BAIAP2L1: variants seen among roughly 807,000 people sequenced by gnomAD.
The protein encoded by BAIAP2L1 is BAR/IMD domain-containing adapter protein 2-like 1.
Under a neutral mutation model 66.3 loss-of-function variants are expected in BAIAP2L1, and 35 were observed. The observed-to-expected ratio is 0.53, with a 90% CI of 0.40 to 0.70. The LOEUF (loss-of-function observed/expected upper bound fraction) is 0.70, where lower values mean the gene tolerates loss of function less well. Ranked by LOEUF, BAIAP2L1 falls within the 30% of genes least tolerant of loss-of-function variation. The pLI, the probability that BAIAP2L1 is intolerant of heterozygous loss-of-function variation, is 0.00. For synonymous variants in BAIAP2L1, 269 were observed against 248.7 expected (o/e 1.08, Z -0.77); for missense variants, 622 against 656.9 (o/e 0.95, Z 0.58).
intron 1 of BAIAP2L1, among the ~76,000 whole-genome samples, chr7:98,378,229 C>CAT (rs5886063): frequency 0.81 from 122,510 of 151,900 alleles, 49,489 homozygotes; most frequent in Middle Eastern, 0.83. Flanking sequence ...AAAAATAACA[C>CAT]GACTGGAAAT....
At chr7:98,385,345 A>G (rs1057194118) in intron 1 of BAIAP2L1, among the ~76,000 whole-genome samples, 1 of 152,054 alleles carries the variant, frequency 6.6e-6, no homozygotes, top group Non-Finnish European at 1.5e-5. Context: ...GATCTGAGGA[A>G]TTGTTCAAAA....
Position 98,306,449 on chromosome 7 carries a change from G to C in BAIAP2L1, c.1231C>G (p.Pro411Ala), listed in dbSNP as rs1200789253. The C allele has an allele frequency of 6.2e-7, 1 of 1,614,042 alleles. No homozygotes were observed. Among genetic ancestry groups the C allele is most frequent in the Non-Finnish European group, 8.5e-7 (1 of 1,180,026 alleles). ...EENETEAVTVPTPSPTPVRSI... is the reference protein window; with the variant it reads ...EENETEAVTVATPSPTPVRSI... ...CACGTTCAGGGCTACCTTGGCGTGG[G>C]CACGGTCACTGCTTCTGTCTCATTT... Residue 411 changes from proline to alanine, a missense_variant, in exon 11 of 14, where the codon CCC (proline) becomes GCC (alanine). Physicochemically the swap from Pro to Ala is conservative, Grantham distance 27. Transcript: ENST00000005260.
intron 1 of BAIAP2L1, among the ~76,000 whole-genome samples, chr7:98,395,347 G>A (rs1803176562): frequency 6.6e-6 from 1 of 151,658 alleles, no homozygotes; most frequent in Non-Finnish European, 1.5e-5. Context: ...TCTGAGGGAG[G>A]AGAATCGCTT....
intron 2 of BAIAP2L1, among the ~76,000 whole-genome samples, chr7:98,360,497 G>T (rs1344961674): frequency 6.6e-6 from 1 of 152,122 alleles, no homozygotes; most frequent in Non-Finnish European, 1.5e-5. Context: ...AATACCTTCT[G>T]AAGTATTTAC....
chr7:98,390,517 A>G (rs1803011307), intron 1 of BAIAP2L1, among the ~76,000 whole-genome samples: 1 of 151,760 alleles, frequency 6.6e-6, no homozygotes, highest in African/African-American at 2.4e-5. Flanking sequence ...TCACAAGGTC[A>G]GGAGATCGAG....
chr7:98,313,574 A>G (rs1472693752), intron 7 of BAIAP2L1, among the ~76,000 whole-genome samples: 1 of 152,168 alleles, frequency 6.6e-6, no homozygotes, highest in Non-Finnish European at 1.5e-5. Context: ...TGCTGTTGAC[A>G]AAAGTGATCA....
chr7:98,327,493 G>A (rs1801402873), intron 3 of BAIAP2L1, among the ~76,000 whole-genome samples: 1 of 151,962 alleles, frequency 6.6e-6, no homozygotes, highest in South Asian at 2.1e-4. Context: ...GGCCAACATG[G>A]TGAAACTCTG....
At chr7:98,375,078 C>T (rs1461890360) in intron 1 of BAIAP2L1, among the ~76,000 whole-genome samples, 2 of 151,256 alleles carry the variant, frequency 1.3e-5, no homozygotes, top group Admixed American at 6.6e-5. Context: ...CACAGTGAGA[C>T]CCTGTCTCAA....
chr7:98,385,979 T>C (rs561990001), intron 1 of BAIAP2L1: 11 of 1,501,734 alleles, frequency 7.3e-6, no homozygotes, highest in Admixed American at 5.0e-5. Flanking sequence ...AGAGGATAAA[T>C]AGACTGGCAA....
In BAIAP2L1 at chr7:98,355,197, T is replaced by C. The variant is rs2115693946; in HGVS notation, c.128-69A>G. 1.4e-5 allele frequency: 15 copies of C among 1,090,952 alleles called. No individual in the cohort carries two copies. The South Asian group carries it at 1.8e-4, about 13-fold the overall frequency. 67.6% of individuals were successfully genotyped at this position (1,090,952 alleles called of 1,614,324 possible). On this transcript the variant is annotated intron_variant, in intron 2 of 13. Transcript: ENST00000005260. Reference sequence around the variant, plus strand: ...AAAGGAGGAAGCAACACAAGTTTTCTTCCAAACACCCCCTGGTCCCTTCTG... The same window carrying C: ...AAAGGAGGAAGCAACACAAGTTTTCCTCCAAACACCCCCTGGTCCCTTCTG...
In BAIAP2L1 at chr7:98,297,027, G is replaced by A. The variant is rs184933590; in HGVS notation, c.1423-2916C>T. ...CACTGCCACCGGCACCCAGGGCCCC[G>A]CGGGCACTGCCTGCTGCATGTCCTG... On this transcript the variant is annotated intron_variant, in intron 12 of 13. Coordinates refer to ENST00000005260, the MANE Select transcript of BAIAP2L1 (RefSeq NM_018842.5). Among the ~76,000 whole-genome samples the A allele has an allele frequency of 8.5e-3, 1,289 of 152,314 alleles. 10 individuals carry two copies. Among genetic ancestry groups the A allele is most frequent in the Non-Finnish European group, 0.012 (819 of 68,044 alleles).
intron 1 of BAIAP2L1, among the ~76,000 whole-genome samples, chr7:98,394,903 G>A (rs1334196470): frequency 6.6e-6 from 1 of 152,192 alleles, no homozygotes; most frequent in African/African-American, 2.4e-5. Context: ...CCTGAGGTCG[G>A]GAGTTCGAGA....
chr7:98,325,897 C>T (rs1801371217), intron 3 of BAIAP2L1, among the ~76,000 whole-genome samples: 3 of 152,176 alleles, frequency 2.0e-5, no homozygotes, highest in Admixed American at 1.3e-4. Flanking sequence ...CAACCACAAA[C>T]GTGATCAAAT....
intron 1 of BAIAP2L1, among the ~76,000 whole-genome samples, chr7:98,365,087 CT>C (rs928961841): frequency 7.2e-6 from 1 of 138,630 alleles, no homozygotes; most frequent in South Asian, 2.5e-4. Context: ...TCCTATGTGA[CT>C]TTTTTTTAAA....
rs1800052933 is a variant in BAIAP2L1, at chr7:98,293,472, T to TGCGCAGACAGGA, written c.*48_*49insTCCTGTCTGCGC. The TGCGCAGACAGGA allele has an allele frequency of 6.4e-7, 1 of 1,555,600 alleles. No individual in the cohort carries two copies. On this transcript the variant is annotated 3_prime_UTR_variant, in exon 14 of 14. Transcript: ENST00000005260. ...CGTGGCAGACAGGATGCGCCCATCA[T>TGCGCAGACAGGA]TCCGCAAGGGAGAACCGGAGAGGCC...
intron 3 of BAIAP2L1, among the ~76,000 whole-genome samples, chr7:98,351,302 C>T (rs1801994358): frequency 6.6e-6 from 1 of 152,214 alleles, no homozygotes; most frequent in Admixed American, 6.5e-5. Flanking sequence ...TTCTATCAGT[C>T]CTGCCCTTTC....
intron 3 of BAIAP2L1, among the ~76,000 whole-genome samples, chr7:98,350,487 C>T (rs1049230594): frequency 2.6e-5 from 4 of 152,046 alleles, no homozygotes; most frequent in East Asian, 1.9e-4. Context: ...GAAACAATAC[C>T]GCTCCTACTA....
At chr7:98,306,922 CT>C (rs1321342603) in intron 10 of BAIAP2L1, 21 of 167,352 alleles carry the variant, frequency 1.3e-4, no homozygotes, top group Middle Eastern at 2.8e-3. Context: ...TGGATTACCC[CT>C]TTTTTTTTCC....
At chr7:98,333,878 C>G (rs1801555062) in intron 3 of BAIAP2L1, among the ~76,000 whole-genome samples, 1 of 151,962 alleles carries the variant, frequency 6.6e-6, no homozygotes, top group African/African-American at 2.4e-5. Flanking sequence ...TGGAATGTTA[C>G]ATTTTAAAAA....
Sources: allele counts gnomAD v4.1 joint callset (sites outside exome capture counted in the v4.1 genomes callset), GRCh38; gene constraint gnomAD v4.1.1; transcripts MANE v1.5; gene names NCBI Gene and HGNC (gene_info 2026-07-23, HGNC 2026-07-21).